Variants in ADAMTS12 observed in about 807,000 individuals in gnomAD.
ADAMTS12 encodes the protein ADAM metallopeptidase with thrombospondin type 1 motif 12, also known as A disintegrin and metalloproteinase with thrombospondin motifs 12.
Under a neutral mutation model 167.8 loss-of-function variants are expected in ADAMTS12, and 118 were observed. The observed-to-expected ratio is 0.70, with a 90% CI of 0.61 to 0.82. ADAMTS12 has a LOEUF of 0.82. Ranked by LOEUF, ADAMTS12 falls within the 40% of genes least tolerant of loss-of-function variation. The probability of loss-of-function intolerance (pLI) is 0.00; values close to 1 mark genes in which losing one functional copy is unlikely to be tolerated. For synonymous variants in ADAMTS12, 704 were observed against 716.9 expected, an observed-to-expected ratio of 0.98 and a Z score of 0.29; for missense variants, 1,916 against 1,998.8, an observed-to-expected ratio of 0.96 and a Z score of 0.79.
chr5:33,607,653 T>C (rs1186185812), intron 16 of ADAMTS12, among the ~76,000 whole-genome samples: 1 of 152,194 alleles, frequency 6.6e-6, no homozygotes, highest in Non-Finnish European at 1.5e-5. Flanking sequence ...CATGGAATGT[T>C]TTTCCATTTT....
intron 3 of ADAMTS12, among the ~76,000 whole-genome samples, chr5:33,700,285 C>T (rs760542563): frequency 6.6e-6 from 1 of 152,140 alleles, no homozygotes; most frequent in Admixed American, 6.6e-5. Flanking sequence ...CTAGAAACAA[C>T]CCAAATGTGC....
chr5:33,759,595 T>C (rs1745280454), intron 2 of ADAMTS12, among the ~76,000 whole-genome samples: 1 of 152,214 alleles, frequency 6.6e-6, no homozygotes, highest in African/African-American at 2.4e-5. Context: ...GGACAGCATC[T>C]CAACTCTTCC....
Position 33,630,928 on chromosome 5 carries a change from G to T in ADAMTS12, c.1889-15C>A. ...ACAAGGATGTGCTGAAGGGAAAAAA[G>T]AAGGCAAAGCCTTGCAAATTAGCTT... On this transcript the variant is annotated splice_polypyrimidine_tract_variant and intron_variant, in intron 12 of 23. Coordinates refer to ENST00000504830, the MANE Select transcript of ADAMTS12 (RefSeq NM_030955.4). 6.2e-7 allele frequency: 1 copy of T among 1,610,600 alleles called. No homozygotes were observed. Among genetic ancestry groups the T allele is most frequent in the South Asian group, 1.1e-5 (1 of 90,808 alleles).
intron 18 of ADAMTS12, among the ~76,000 whole-genome samples, chr5:33,579,570 A>G (rs933832723): frequency 3.9e-5 from 6 of 152,230 alleles, no homozygotes; most frequent in Non-Finnish European, 1.5e-5. Context: ...ATGCCAAAGT[A>G]TAGGATCATA....
intron 2 of ADAMTS12, among the ~76,000 whole-genome samples, chr5:33,805,959 T>C (rs1747212477): frequency 6.6e-6 from 1 of 152,052 alleles, no homozygotes; most frequent in Admixed American, 6.6e-5. Flanking sequence ...AGAACATAAA[T>C]TGCAGAACAC....
chr5:33,635,128 A>G (rs1740130120), intron 12 of ADAMTS12, among the ~76,000 whole-genome samples: 1 of 152,202 alleles, frequency 6.6e-6, no homozygotes, highest in South Asian at 2.1e-4. Context: ...AGGTAAACTT[A>G]GAATCACAAC....
intron 12 of ADAMTS12, among the ~76,000 whole-genome samples, chr5:33,632,702 G>A (rs951032079): frequency 6.6e-6 from 1 of 152,184 alleles, no homozygotes; most frequent in Admixed American, 6.6e-5. Flanking sequence ...CTAAGGATGA[G>A]AACATCAATC....
At chr5:33,846,193 A>G (rs1471021858) in intron 2 of ADAMTS12, among the ~76,000 whole-genome samples, 1 of 152,252 alleles carries the variant, frequency 6.6e-6, no homozygotes, top group Non-Finnish European at 1.5e-5. Context: ...TGTCAAGGTC[A>G]TAAGAGCTAA....
At chr5:33,771,990 G>A (rs189926600) in intron 2 of ADAMTS12, among the ~76,000 whole-genome samples, 1 of 152,170 alleles carries the variant, frequency 6.6e-6, no homozygotes, top group Non-Finnish European at 1.5e-5. Flanking sequence ...CCAAACAGCT[G>A]AGACTACAGG....
chr5:33,837,472 A>G (rs1218971573), intron 2 of ADAMTS12, among the ~76,000 whole-genome samples: 3 of 152,158 alleles, frequency 2.0e-5, no homozygotes, highest in Non-Finnish European at 2.9e-5. Flanking sequence ...AGAAATAAAC[A>G]AATTCCTTTG....
At chr5:33,604,923 A>T (rs1738364068) in intron 16 of ADAMTS12, among the ~76,000 whole-genome samples, 1 of 152,238 alleles carries the variant, frequency 6.6e-6, no homozygotes, top group Non-Finnish European at 1.5e-5. Context: ...TAATGCTAAG[A>T]CAAGCTACAA....
At position 33,596,054 on chromosome 5, in the gene ADAMTS12, C is replaced by T. The variant is rs551278824; in HGVS notation, c.2534G>A (p.Arg845His). The T allele has an allele frequency of 2.3e-5, 37 of 1,613,808 alleles. No individual in the cohort carries two copies. Among genetic ancestry groups the T allele is most frequent in the Admixed American group, 1.5e-4 (9 of 59,994 alleles). ...CTTTATGCAATGGGCAGTTTGGCGG[C>T]GGATACCTGGGGGTCAGACAGAAAG... ...ECSVTCGTGI[R>H]RQTAHCIKKG... The change falls in exon 17 of 24, where the codon CGC (arginine) becomes CAC (histidine). Residue 845 changes from arginine (R) to histidine (H), a missense_variant. Physicochemically the swap from Arg to His is conservative, Grantham distance 29. Transcript: ENST00000504830.
chr5:33,592,741 A>ACTCC (rs1747707913), intron 17 of ADAMTS12, among the ~76,000 whole-genome samples: 1 of 152,222 alleles, frequency 6.6e-6, no homozygotes, highest in Non-Finnish European at 1.5e-5. Context: ...GAATGTTGAA[A>ACTCC]TTGGTTGTAA....
chr5:33,744,408 T>C (rs1744707214), intron 3 of ADAMTS12, among the ~76,000 whole-genome samples: 2 of 152,192 alleles, frequency 1.3e-5, no homozygotes, highest in Admixed American at 1.3e-4. Context: ...CAGGCTATAT[T>C]TGGAGTGACA....
chr5:33,683,786 T>A, intron 4 of ADAMTS12, 73 bp downstream of exon 4: 1 of 1,240,072 alleles, frequency 8.1e-7, no homozygotes, highest in Non-Finnish European at 1.1e-6. Flanking sequence ...AAGGCCTTTC[T>A]TATTTATTTA....
At position 33,787,290 on chromosome 5, in the gene ADAMTS12, T is replaced by C. The variant is rs188034827; in HGVS notation, c.490-35742A>G. 2.4e-4 allele frequency among the ~76,000 whole-genome samples: 37 copies of C among 152,338 alleles called. 1 individual carries two copies. The highest frequency in any genetic ancestry group is 2.0e-3 in the Admixed American group (30 of 15,296). ...AAAGGCTAAAGCTTCCTACGGTTGT[T>C]AGAAGAAAGACAGGTTTGTAGATGG... On this transcript the variant is annotated intron_variant, in intron 2 of 23. Transcript: ENST00000504830.
chr5:33,709,403 C>G (rs374254584), intron 3 of ADAMTS12, among the ~76,000 whole-genome samples: 1 of 152,178 alleles, frequency 6.6e-6, no homozygotes. Flanking sequence ...TACATGCACA[C>G]ATATGTTCAC....
At chr5:33,737,937 A>C (rs1210935626) in intron 3 of ADAMTS12, among the ~76,000 whole-genome samples, 1 of 152,210 alleles carries the variant, frequency 6.6e-6, no homozygotes, top group Non-Finnish European at 1.5e-5. Flanking sequence ...AATAGAAACA[A>C]GAAGTAACAG....
At chr5:33,639,946 C>T (rs560620820) in intron 11 of ADAMTS12, among the ~76,000 whole-genome samples, 12 of 152,242 alleles carry the variant, frequency 7.9e-5, no homozygotes, top group Admixed American at 3.3e-4. Flanking sequence ...TTAGGAGGTA[C>T]CAAGAATTGT....
Sources: gnomAD v4.1 joint callset for allele counts (sites outside exome capture counted in the v4.1 genomes callset) on GRCh38, gnomAD v4.1.1 for gene constraint, MANE v1.5 for transcripts, NCBI Gene and HGNC (gene_info 2026-07-23, HGNC 2026-07-21) for gene names.